CNN1: variants seen among roughly 807,000 people sequenced by gnomAD.
CNN1 encodes calponin-1.
Under a neutral mutation model 35.3 loss-of-function variants are expected in CNN1, and 21 were observed. The observed-to-expected ratio is 0.60, with a 90% CI of 0.42 to 0.86. The LOEUF is 0.86. CNN1 is among the 40% of genes least tolerant of loss of function. The pLI, the probability that CNN1 is intolerant of heterozygous loss-of-function variation, is 0.00. For missense variants in CNN1, 314 were observed against 400.8 expected, an observed-to-expected ratio of 0.78 and a Z score of 1.85; for synonymous variants, 164 against 161.8, an observed-to-expected ratio of 1.01 and a Z score of -0.10.
rs1972675068 is a variant in CNN1 at position 11,549,687 on chromosome 19, G to C, written c.786G>C (p.Gly262=). The change falls in exon 7 of 7, where the codon GGG becomes GGC. Residue 262 remains glycine (G), a synonymous_variant. Coordinates refer to ENST00000252456, the MANE Select transcript of CNN1 (RefSeq NM_001299.6). The surrounding 1 kb of genome is among the most constrained non-coding windows in gnomAD (Gnocchi z 5.2). ...GASQRGMTVY[G]LPRQVYDPKY... is the part of the protein sequence containing the mutation. ...CGCAGCGGGGCATGACGGTGTATGG[G>C]CTGCCACGCCAGGTCTACGACCCCA... The C allele has an allele frequency of 6.2e-7, 1 of 1,614,216 alleles. No individual in the cohort carries two copies. Among genetic ancestry groups the C allele is most frequent in the African/African-American group, 1.3e-5 (1 of 75,068 alleles).
rs950545303 is a variant in CNN1 at position 11,550,277 on chromosome 19, CTTT to C, written c.*488_*490del. The C allele has an allele frequency of 6.3e-6, 1 of 157,926 alleles. No homozygotes were observed. Among genetic ancestry groups the C allele is most frequent in the Non-Finnish European group, 1.4e-5 (1 of 71,864 alleles). The allele number at this position is 157,926 out of a possible 1,614,324, so 9.8% of individuals were successfully genotyped here. On this transcript the variant is annotated 3_prime_UTR_variant, in exon 7 of 7. Transcript: ENST00000252456. ...GTGGCGTTTGTAATGAGAGCACTTT[CTTT>C]TTTTTCTATTTCACTGGAGCACAAT...
intron 2 of CNN1, among the ~76,000 whole-genome samples, chr19:11,542,600 G>C (rs1015412291): frequency 2.0e-5 from 3 of 149,516 alleles, no homozygotes; most frequent in Non-Finnish European, 3.0e-5. Flanking sequence ...TTTTCAGATG[G>C]AATCTTGCTT....
chr19:11,544,410 T>C (rs1972534548), intron 2 of CNN1, among the ~76,000 whole-genome samples: 1 of 152,026 alleles, frequency 6.6e-6, no homozygotes, highest in African/African-American at 2.4e-5. Flanking sequence ...CACCAAATGA[T>C]TGAGCAGAAG....
In CNN1 at chr19:11,549,913, T is replaced by C. The variant is rs1972684458; in HGVS notation, c.*118T>C. On this transcript the variant is annotated 3_prime_UTR_variant, in exon 7 of 7. Coordinates refer to ENST00000252456, the MANE Select transcript of CNN1 (RefSeq NM_001299.6). This position sits in a 1 kb window ranked among gnomAD's most constrained non-coding sequence, Gnocchi z 5.2. ...TGGCATCCTCCAGCCCCTGTAGAAC[T>C]CAACCTCTACAGGGTTAGAGTTTGG... The C allele has an allele frequency of 5.6e-6, 8 of 1,422,520 alleles. No homozygotes were observed. Among genetic ancestry groups the C allele is most frequent in the African/African-American group, 1.4e-5 (1 of 69,660 alleles). The allele number at this position is 1,422,520 out of a possible 1,614,324, so 88.1% of individuals were successfully genotyped here. A position where few individuals can be genotyped will look rare whatever the true frequency, so the allele number is the denominator to read the frequency against.
At chr19:11,544,024 C>A (rs2145034546) in intron 2 of CNN1, among the ~76,000 whole-genome samples, 1 of 152,184 alleles carries the variant, frequency 6.6e-6, no homozygotes, top group Non-Finnish European at 1.5e-5. Context: ...GTGTGCCAGG[C>A]TCTGGCCTAG....
intron 1 of CNN1, 195 bp downstream of exon 1, chr19:11,539,185 A>G (rs985540182): frequency 2.5e-6 from 3 of 1,212,210 alleles, no homozygotes; most frequent in Non-Finnish European, 3.2e-6. Flanking sequence ...TTGGGGCTGG[A>G]ATGGGGGGGC....
chr19:11,544,666 T>G (rs1015955512), intron 2 of CNN1, among the ~76,000 whole-genome samples: 9 of 146,778 alleles, frequency 6.1e-5, no homozygotes, highest in Admixed American at 6.8e-5. Flanking sequence ...TTTCGGGTTT[T>G]TTTTTTTTTT....
In CNN1 at chr19:11,546,974, G is replaced by C; in HGVS notation, c.390+5G>C. On this transcript the variant is annotated splice_donor_5th_base_variant and intron_variant, in intron 4 of 6. Coordinates refer to ENST00000252456, the MANE Select transcript of CNN1 (RefSeq NM_001299.6). ...CTCCTGGCTTTGGCCAGCATGGTGA[G>C]TGTGGTTGCAGGCTGGGCAGGGGGT... 6.2e-7 allele frequency: 1 copy of C among 1,614,164 alleles called. No individual in the cohort carries two copies. The highest frequency in any genetic ancestry group is 1.3e-5 in the African/African-American group (1 of 75,064).
chr19:11,542,764 C>CG (rs371378849), intron 2 of CNN1, among the ~76,000 whole-genome samples: 1 of 151,904 alleles, frequency 6.6e-6, no homozygotes, highest in Non-Finnish European at 1.5e-5. Context: ...TTAGTAGAGA[C>CG]GGGGTTTCAC....
At chr19:11,539,639 CTTTAAG>C in intron 1 of CNN1, 1 of 724,026 alleles carries the variant, frequency 1.4e-6, no homozygotes, top group Non-Finnish European at 2.1e-6. Flanking sequence ...AGCTGGAGAA[CTTTAAG>C]TTTCCAGCCC....
chr19:11,548,836 CAAAT>C (rs1415453434), intron 5 of CNN1, among the ~76,000 whole-genome samples: 2 of 151,496 alleles, frequency 1.3e-5, no homozygotes, highest in Admixed American at 6.6e-5. Flanking sequence ...GATGCTATCT[CAAAT>C]AAAATAAAAT....
At chr19:11,539,896 G>A in intron 1 of CNN1, 3 of 1,139,764 alleles carry the variant, frequency 2.6e-6, no homozygotes, top group Non-Finnish European at 3.3e-6. Context: ...CCAGAGCCGC[G>A]CAGAGCCGCG....
chr19:11,545,798 C>CAA (rs1030710214), intron 2 of CNN1, among the ~76,000 whole-genome samples: 2,993 of 58,772 alleles, frequency 0.051, 226 homozygotes, highest in African/African-American at 0.16. Context: ...CCCTCTCTAC[C>CAA]AAAAAAAAAA....
Position 11,549,372 on chromosome 19 carries a change from C to T in CNN1, c.551C>T (p.Thr184Ile), listed in dbSNP as rs374278929. 6.2e-7 allele frequency: 1 copy of T among 1,613,714 alleles called. No individual in the cohort carries two copies. The highest frequency in any genetic ancestry group is 8.5e-7 in the Non-Finnish European group (1 of 1,179,910). Residue 184 changes from threonine (T) to isoleucine (I), a missense_variant, in exon 6 of 7, where the codon ACC becomes ATC. By Grantham distance (89) the Thr-to-Ile change is moderately conservative. Transcript: ENST00000252456. The surrounding 1 kb of genome is among the most constrained non-coding windows in gnomAD (Gnocchi z 5.2). ...CAGCAGGGCATGACGGCCTATGGCACCCGGCGCCACCTCTACGACCCCAAG... is the reference window on the plus strand; with the variant it reads ...CAGCAGGGCATGACGGCCTATGGCATCCGGCGCCACCTCTACGACCCCAAG... ...ASQQGMTAYG[T>I]RRHLYDPKLG... is the part of the protein sequence containing the mutation.
intron 1 of CNN1, chr19:11,540,117 G>A (rs1473592200): frequency 3.2e-6 from 3 of 951,530 alleles, no homozygotes; most frequent in Non-Finnish European, 3.8e-6. Context: ...GGGCTTGGGC[G>A]GAGGGTTCTG....
At position 11,541,207 on chromosome 19, in the gene CNN1, G is replaced by C. The variant is rs201161323; in HGVS notation, c.185+10G>C. ...GCATCATTCTTTGCGAGTGAGTGAG[G>C]CTCTCGAAGCCGAGACCCTGCAACA... On this transcript the variant is annotated intron_variant, in intron 2 of 6. Transcript: ENST00000252456. 210 of 1,551,286 alleles carry C rather than the reference G, an allele frequency of 1.4e-4. No individual in the cohort carries two copies. In the African/African-American group the frequency reaches 2.8e-3, roughly 20 times the overall value.
chr19:11,541,117 A>C lies in CNN1; in HGVS notation c.105A>C (p.Arg35Ser). The C allele has an allele frequency of 6.2e-7, 1 of 1,611,344 alleles. No homozygotes were observed. The highest frequency in any genetic ancestry group is 8.5e-7 in the Non-Finnish European group (1 of 1,178,630). Residue 35 changes from arginine to serine, a missense_variant, in exon 2 of 7, where the codon AGA (arginine) becomes AGC (serine). Transcript: ENST00000252456. ...KYDHQREQEL[R>S]EWIEGVTGRR... ...ACCACCAGCGGGAGCAGGAGCTGAG[A>C]GAGTGGATCGAGGGGGTGACAGGCC...
intron 1 of CNN1, chr19:11,539,555 TC>T (rs1410369092): frequency 9.3e-7 from 1 of 1,080,140 alleles, no homozygotes; most frequent in Non-Finnish European, 1.2e-6. Context: ...ATAGCTGGGG[TC>T]CCAGGTAAAG....
intron 2 of CNN1, among the ~76,000 whole-genome samples, chr19:11,543,142 G>T (rs1019940273): frequency 6.6e-6 from 1 of 152,248 alleles, no homozygotes; most frequent in South Asian, 2.1e-4. Flanking sequence ...GTCAAACAGT[G>T]CAGTCCCAGC....
Sources: allele counts gnomAD v4.1 joint callset (sites outside exome capture counted in the v4.1 genomes callset), GRCh38; gene constraint gnomAD v4.1.1; non-coding constraint Gnocchi (gnomAD v3.1); transcripts MANE v1.5; gene names NCBI Gene and HGNC (gene_info 2026-07-23, HGNC 2026-07-21).